The following PRR16 variants were observed in gnomAD, a reference collection of about 807,000 sequenced individuals.
PRR16 encodes the protein proline rich 16, also known as protein Largen.
Under a neutral mutation model 18.2 loss-of-function variants are expected in PRR16, and 6 were observed. The ratio of observed to expected loss-of-function variants is 0.33; its 90% CI spans 0.18 to 0.65. PRR16 has a LOEUF of 0.65. PRR16 is among the 30% of genes least tolerant of loss of function. The pLI, the probability that PRR16 is intolerant of heterozygous loss-of-function variation, is 0.74. For missense variants in PRR16, 412 were observed against 376.6 expected, an observed-to-expected ratio of 1.09 and a Z score of -0.78; for synonymous variants, 151 against 147.8, an observed-to-expected ratio of 1.02 and a Z score of -0.16.
chr5:120,523,501 C>T (rs1751253917), intron 1 of PRR16, among the ~76,000 whole-genome samples: 1 of 152,138 alleles, frequency 6.6e-6, no homozygotes, highest in South Asian at 2.1e-4. Flanking sequence ...ATTTAATGTC[C>T]ATGTCAATGA....
At chr5:120,603,511 T>C (rs1754052249) in intron 1 of PRR16, among the ~76,000 whole-genome samples, 1 of 151,986 alleles carries the variant, frequency 6.6e-6, no homozygotes, top group Non-Finnish European at 1.5e-5. Flanking sequence ...AGAACAAACA[T>C]TTGGTTTCAT....
At chr5:120,733,540 A>C in the PRR16 span, among the ~76,000 whole-genome samples, 1 of 152,076 alleles carries the variant, frequency 6.6e-6, no homozygotes, top group South Asian at 2.1e-4. Context: ...ATTTGTGCAA[A>C]ATTTCTACCT....
At chr5:120,628,766 C>G (rs144745640) in intron 1 of PRR16, among the ~76,000 whole-genome samples, 22 of 151,500 alleles carry the variant, frequency 1.5e-4, no homozygotes, top group African/African-American at 5.1e-4. Flanking sequence ...TCTGTCTTTC[C>G]CATCTAACAG....
the PRR16 span, chr5:120,781,440 G>T: frequency 6.6e-6 from 1 of 152,110 alleles, no homozygotes; most frequent in Non-Finnish European, 1.5e-5. Context: ...TGATCTAATG[G>T]TAATAAACTA....
chr5:120,739,086 A>G, the PRR16 span, among the ~76,000 whole-genome samples: 9 of 152,182 alleles, frequency 5.9e-5, no homozygotes, highest in African/African-American at 2.2e-4. Context: ...AAATAGAGAT[A>G]AGCAGTAGCA....
At chr5:120,495,175 T>A (rs1187022795) in intron 1 of PRR16, among the ~76,000 whole-genome samples, 1 of 152,160 alleles carries the variant, frequency 6.6e-6, no homozygotes, top group Non-Finnish European at 1.5e-5. Context: ...TTAAAAACTT[T>A]ACAATGTTAA....
rs761383231 is a variant in PRR16, at chr5:120,686,624, CT to C, written c.831del (p.Ile278SerfsTer19). On this transcript the variant is annotated frameshift_variant, in exon 2 of 2. Transcript: ENST00000407149. LOFTEE classifies it high-confidence loss of function. The stretch of plus-strand genomic sequence containing the variant: ...ATAAGCCACAGTAACAGCTTCCCCC[CT>C]ATCAGACCTGCAACTGTGCCTCCTC... ...MGISHSNSFPPIRPATVPPPT... is the reference protein window; with the variant it reads ...MGISHSNSFPXIRPATVPPPT... 10 of 1,608,952 alleles carry C rather than the reference CT, an allele frequency of 6.2e-6. No individual in the cohort carries two copies. Among genetic ancestry groups the C allele is most frequent in the Non-Finnish European group, 8.5e-6 (10 of 1,177,052 alleles).
intron 1 of PRR16, among the ~76,000 whole-genome samples, chr5:120,613,744 C>T (rs1754411434): frequency 6.6e-6 from 1 of 152,150 alleles, no homozygotes; most frequent in Non-Finnish European, 1.5e-5. Flanking sequence ...ATGATGGCCA[C>T]TAATAATGAG....
chr5:120,657,061 T>A (rs895073815), intron 1 of PRR16, among the ~76,000 whole-genome samples: 1 of 151,994 alleles, frequency 6.6e-6, no homozygotes, highest in Non-Finnish European at 1.5e-5. Context: ...ACCTCAGTTA[T>A]TTTTATATAT....
chr5:120,592,671 A>G (rs79352231), intron 1 of PRR16, among the ~76,000 whole-genome samples: 336 of 152,230 alleles, frequency 2.2e-3, no homozygotes, highest in African/African-American at 7.9e-3. Context: ...GAAGACCACA[A>G]CTTATTGTTT....
At chr5:120,720,988 C>T in the PRR16 span, among the ~76,000 whole-genome samples, 1 of 152,006 alleles carries the variant, frequency 6.6e-6, no homozygotes, top group African/African-American at 2.4e-5. Context: ...TCCATCATTT[C>T]ATCATTTATC....
chr5:120,618,212 A>G (rs1284479622), intron 1 of PRR16, among the ~76,000 whole-genome samples: 1 of 152,140 alleles, frequency 6.6e-6, no homozygotes, highest in Non-Finnish European at 1.5e-5. Flanking sequence ...AATGTCAAAT[A>G]TTAGAGATAT....
At chr5:120,777,677 A>C in the PRR16 span, among the ~76,000 whole-genome samples, 1 of 152,118 alleles carries the variant, frequency 6.6e-6, no homozygotes, top group Non-Finnish European at 1.5e-5. Flanking sequence ...GCCAGGACTA[A>C]AAAGAGGCCT....
In PRR16 at chr5:120,503,913, G is replaced by A. The variant is rs551295085; in HGVS notation, c.159+39268G>A. 2.0e-5 allele frequency among the ~76,000 whole-genome samples: 3 copies of A among 151,930 alleles called. No homozygotes were observed. In the South Asian group the frequency reaches 6.3e-4, roughly 32 times the overall value. On this transcript the variant is annotated intron_variant, in intron 1 of 1. Coordinates refer to ENST00000407149, the MANE Select transcript of PRR16 (RefSeq NM_001300783.2). The stretch of plus-strand genomic sequence containing the variant: ...TGTTTGGTTTTTTGTCCTTGTGATA[G>A]TTTACTGAGAATCATGATTTCCAAT...
chr5:120,559,056 G>T (rs982391481), intron 1 of PRR16, among the ~76,000 whole-genome samples: 2 of 151,774 alleles, frequency 1.3e-5, no homozygotes, highest in African/African-American at 4.8e-5. Flanking sequence ...TTTGTCAGAT[G>T]GGTAGTTTGC....
the PRR16 span, among the ~76,000 whole-genome samples, chr5:120,703,370 A>G: frequency 2.0e-5 from 3 of 152,358 alleles, no homozygotes; most frequent in Admixed American, 2.0e-4. Flanking sequence ...CGTGCAAGTC[A>G]CAGGGGATGC....
At chr5:120,679,881 C>T (rs768481306) in intron 1 of PRR16, among the ~76,000 whole-genome samples, 6 of 151,882 alleles carry the variant, frequency 4.0e-5, no homozygotes, top group Non-Finnish European at 7.4e-5. Flanking sequence ...TCAAAGGATA[C>T]GAAATAGCAA....
At chr5:120,659,021 G>A (rs1045260639) in intron 1 of PRR16, among the ~76,000 whole-genome samples, 4 of 151,400 alleles carry the variant, frequency 2.6e-5, no homozygotes, top group African/African-American at 7.3e-5. Flanking sequence ...TCTCACCTGC[G>A]ACCCCCCATC....
At chr5:120,646,902 A>G (rs1192213243) in intron 1 of PRR16, among the ~76,000 whole-genome samples, 15 of 152,042 alleles carry the variant, frequency 9.9e-5, no homozygotes, top group Admixed American at 9.9e-4. Context: ...CAAGCATTAT[A>G]TTGTTTTGTT....
Sources: allele counts gnomAD v4.1 joint callset (sites outside exome capture counted in the v4.1 genomes callset), GRCh38; gene constraint gnomAD v4.1.1; transcripts MANE v1.5; gene names NCBI Gene and HGNC (gene_info 2026-07-23, HGNC 2026-07-21).